ZFHX3: variants seen among roughly 807,000 people sequenced by gnomAD.
ZFHX3 encodes zinc finger homeobox 3, also known as zinc finger homeobox protein 3.
ZFHX3 carries 42 observed loss-of-function variants against 279.1 expected under a neutral mutation model. That is an observed-to-expected ratio of 0.15 (90% CI 0.12 to 0.19). The LOEUF (loss-of-function observed/expected upper bound fraction) is 0.19. Among genes scored for constraint, ZFHX3 ranks in the 10% least tolerant of loss-of-function variants. ZFHX3 has a pLI of 1.00. For missense variants in ZFHX3, 4,981 were observed against 4,754.0 expected (o/e 1.05, Z -1.40); for synonymous variants, 2,293 against 1,957.8 (o/e 1.17, Z -4.52).
At chr16:73,563,233 GTTTTGT>G (rs2020401189) in intron 2 of ZFHX3, among the ~76,000 whole-genome samples, 1 of 134,324 alleles carries the variant, frequency 7.4e-6, no homozygotes, top group Admixed American at 7.6e-5. Flanking sequence ...TTTTGTTTTT[GTTTTGT>G]TTTTGTTTTT....
intron 3 of ZFHX3, among the ~76,000 whole-genome samples, chr16:73,454,702 C>A (rs1051979467): frequency 6.6e-6 from 1 of 152,132 alleles, no homozygotes; most frequent in African/African-American, 2.4e-5. Context: ...CCCTCTCCCC[C>A]ACCCACCCAA....
intron 5 of ZFHX3, among the ~76,000 whole-genome samples, chr16:72,823,262 T>C (rs1425946854): frequency 6.6e-6 from 1 of 152,230 alleles, no homozygotes; most frequent in Non-Finnish European, 1.5e-5. Flanking sequence ...ACATGCATCC[T>C]ACTGCAAAGA....
chr16:73,425,749 T>C (rs1052150565), intron 3 of ZFHX3, among the ~76,000 whole-genome samples: 1 of 152,108 alleles, frequency 6.6e-6, no homozygotes, highest in African/African-American at 2.4e-5. Flanking sequence ...TGGCACTGTT[T>C]ATCCATCTGA....
intron 8 of ZFHX3, among the ~76,000 whole-genome samples, chr16:73,065,566 GGTGTGTGTGTGTGT>G (rs10540025): frequency 0.021 from 3,019 of 144,644 alleles, 36 homozygotes; most frequent in Middle Eastern, 0.052. Flanking sequence ...AGCTTTTCCT[GGTGTGTGTGTGTGT>G]GTGTGTGTGT....
At chr16:73,278,504 G>A (rs771114930) in intron 4 of ZFHX3, among the ~76,000 whole-genome samples, 2 of 152,230 alleles carry the variant, frequency 1.3e-5, no homozygotes, top group African/African-American at 2.4e-5. Context: ...CAGACCCAAA[G>A]AGTGAGCAGT....
chr16:73,814,018 C>G (rs563126483), intron 1 of ZFHX3, among the ~76,000 whole-genome samples: 124 of 152,320 alleles, frequency 8.1e-4, no homozygotes, highest in Middle Eastern at 3.4e-3. Flanking sequence ...AGTGAGTTTG[C>G]CTTCCCTAAT....
At chr16:73,739,942 C>T (rs528114753) in intron 1 of ZFHX3, among the ~76,000 whole-genome samples, 1 of 152,282 alleles carries the variant, frequency 6.6e-6, no homozygotes, top group East Asian at 1.9e-4. Flanking sequence ...TAACTGCAAA[C>T]CAGCCAACTG....
intron 2 of ZFHX3, chr16:73,609,159 A>C (rs1267377450): frequency 2.6e-5 from 4 of 152,126 alleles, no homozygotes; most frequent in Non-Finnish European, 4.4e-5. Flanking sequence ...CACTCTAGTA[A>C]AATCCCTGAC....
At chr16:73,620,180 TG>T (rs1160204406) in intron 2 of ZFHX3, among the ~76,000 whole-genome samples, 1 of 152,130 alleles carries the variant, frequency 6.6e-6, no homozygotes, top group East Asian at 1.9e-4. Context: ...ATTTGATGGG[TG>T]GGGGCACCCA....
At chr16:73,502,253 G>C (rs2019252157) in intron 2 of ZFHX3, among the ~76,000 whole-genome samples, 1 of 152,208 alleles carries the variant, frequency 6.6e-6, no homozygotes, top group South Asian at 2.1e-4. Context: ...CTGGCGACCT[G>C]TGCCAACAAG....
At chr16:73,316,858 A>G (rs1179893711) in intron 4 of ZFHX3, among the ~76,000 whole-genome samples, 1 of 152,164 alleles carries the variant, frequency 6.6e-6, no homozygotes, top group East Asian at 1.9e-4. Context: ...ATTTCTCAAG[A>G]TTCTTGATTT....
At chr16:73,725,036 G>T (rs1424418807) in intron 1 of ZFHX3, among the ~76,000 whole-genome samples, 1 of 152,156 alleles carries the variant, frequency 6.6e-6, no homozygotes, top group Non-Finnish European at 1.5e-5. Flanking sequence ...TGTAAAAAAT[G>T]ATTTCATTGT....
chr16:73,683,008 AAAG>A lies in ZFHX3; in HGVS notation c.-1607-2771_-1607-2769del, dbSNP rs1339547392. 1.7e-4 allele frequency among the ~76,000 whole-genome samples: 14 copies of A among 83,368 alleles called. 1 individual carries two copies. The highest frequency in any genetic ancestry group is 3.3e-4 in the Non-Finnish European group (11 of 33,832). The allele number at this position is 83,368 out of a possible 152,430, so 54.7% of individuals were successfully genotyped here. ...AAAGAAAGAAAAGAAAGAAAGAAAG[AAAG>A]AGAAAGGAGGGAGGGAGGGAGAAGG... On this transcript the variant is annotated intron_variant, in intron 1 of 17. Coordinates refer to the ZFHX3 transcript ENST00000641206.
chr16:73,858,475 A>G (rs999923342), intron 1 of ZFHX3, among the ~76,000 whole-genome samples: 4 of 152,194 alleles, frequency 2.6e-5, no homozygotes, highest in Admixed American at 2.6e-4. Flanking sequence ...TTGAAAGGAA[A>G]TGATTATGTT....
In ZFHX3 at chr16:72,787,728, GCCGCCGCCACTGCCA is replaced by G. The variant is rs751432230; in HGVS notation, c.10533_10547del (p.Ser3513_Gly3517del). The G allele has an allele frequency of 5.5e-4, 769 of 1,397,940 alleles. 10 individuals carry two copies. Among genetic ancestry groups the G allele is most frequent in the Non-Finnish European group, 6.4e-5 (68 of 1,070,058 alleles). 86.6% of individuals were successfully genotyped at this position (1,397,940 alleles called of 1,614,324 possible). ...CGCCGCCGCCGCCGCCACCGCCGCC[GCCGCCGCCACTGCCA>G]CCGCCGCCGCCGCCGGTGGGGACGT... On this transcript the variant is annotated inframe_deletion, in exon 10 of 10. Transcript: ENST00000268489.
At chr16:73,065,025 G>A (rs1965728912) in intron 8 of ZFHX3, among the ~76,000 whole-genome samples, 1 of 152,246 alleles carries the variant, frequency 6.6e-6, no homozygotes, top group Admixed American at 6.5e-5. Context: ...ACCCTCGGTC[G>A]GGCTGTGTTC....
chr16:72,852,829 T>C (rs1459989318), intron 4 of ZFHX3, among the ~76,000 whole-genome samples: 1 of 152,164 alleles, frequency 6.6e-6, no homozygotes, highest in East Asian at 1.9e-4. Flanking sequence ...CTTAGAAGCT[T>C]TCTCTTTGGA....
chr16:72,924,566 C>G (rs1959339133), intron 3 of ZFHX3, among the ~76,000 whole-genome samples: 2 of 152,190 alleles, frequency 1.3e-5, no homozygotes, highest in African/African-American at 4.8e-5. Flanking sequence ...TGGATATTCT[C>G]AGGCCGAATG....
intron 4 of ZFHX3, among the ~76,000 whole-genome samples, chr16:73,271,031 C>T (rs951332876): frequency 6.6e-6 from 1 of 152,142 alleles, no homozygotes; most frequent in African/African-American, 2.4e-5. Context: ...AAGAAGTTCT[C>T]ACAAAACCTG....
Sources: gnomAD v4.1 joint callset for allele counts (sites outside exome capture counted in the v4.1 genomes callset) on GRCh38, gnomAD v4.1.1 for gene constraint, MANE v1.5 for transcripts, NCBI Gene and HGNC (gene_info 2026-07-23, HGNC 2026-07-21) for gene names.